The following MCTP2 variants were observed in gnomAD, a reference collection of about 807,000 sequenced individuals.
MCTP2 encodes multiple C2 and transmembrane domain containing 2.
In MCTP2, 132 loss-of-function variants were observed where a neutral mutation model predicts 111.6. The ratio of observed to expected loss-of-function variants is 1.18; its 90% CI spans 1.03 to 1.37. MCTP2 has a LOEUF of 1.37. Ranked by LOEUF, MCTP2 falls within the 40% of genes most tolerant of loss-of-function variation. The probability of loss-of-function intolerance (pLI) is 0.00; values close to 1 mark genes in which losing one functional copy is unlikely to be tolerated. For synonymous variants in MCTP2, 395 were observed against 387.7 expected (o/e 1.02, Z -0.22); for missense variants, 1,183 against 1,067.9 (o/e 1.11, Z -1.50).
intron 16 of MCTP2, 66 bp from the exon 17 acceptor site, chr15:94,401,834 C>A: frequency 3.1e-6 from 4 of 1,275,130 alleles, no homozygotes; most frequent in South Asian, 1.5e-5. Context: ...GATCAGGGTA[C>A]CTGATCTAGA....
intron 1 of MCTP2, among the ~76,000 whole-genome samples, chr15:94,243,968 C>T (rs1243642953): frequency 6.9e-5 from 10 of 145,282 alleles, no homozygotes; most frequent in African/African-American, 2.3e-4. Context: ...TTTACACACA[C>T]ATATGTATAC....
intron 6 of MCTP2, 35 bp downstream of exon 6, chr15:94,340,310 A>G: frequency 6.8e-7 from 1 of 1,463,848 alleles, no homozygotes; most frequent in Non-Finnish European, 9.6e-7. Flanking sequence ...GTTATTGATG[A>G]GTTTTAGAGG....
At chr15:94,381,230 A>G (rs1308370182) in intron 12 of MCTP2, among the ~76,000 whole-genome samples, 1 of 152,246 alleles carries the variant, frequency 6.6e-6, no homozygotes, top group Non-Finnish European at 1.5e-5. Flanking sequence ...CAAAGTCCCC[A>G]TATATCTGAA....
chr15:94,478,862 A>T, intron 22 of MCTP2, 104 bp from the exon 23 acceptor site: 1 of 880,720 alleles, frequency 1.1e-6, no homozygotes, highest in Admixed American at 1.9e-5. Flanking sequence ...TTACCTTTGA[A>T]CCTTCCTTCC....
At chr15:94,271,977 C>T (rs1252343170) in intron 1 of MCTP2, among the ~76,000 whole-genome samples, 2 of 152,144 alleles carry the variant, frequency 1.3e-5, no homozygotes, top group South Asian at 2.1e-4. Flanking sequence ...ATCCTTATTC[C>T]GGTGATGTTC....
At chr15:94,335,012 T>G (rs72647772) in intron 4 of MCTP2, among the ~76,000 whole-genome samples, 6,950 of 152,296 alleles carry the variant, frequency 0.046, 224 homozygotes, top group Middle Eastern at 0.19. Context: ...GAAGTACTTT[T>G]TAGGGGACTT....
At chr15:94,356,004 A>T in intron 8 of MCTP2, 133 bp from the exon 9 acceptor site, 1 of 1,357,752 alleles carries the variant, frequency 7.4e-7, no homozygotes, top group Non-Finnish European at 9.5e-7. Context: ...AACCAATGAA[A>T]AAAACAGTTT....
intron 1 of MCTP2, among the ~76,000 whole-genome samples, chr15:94,281,711 T>C (rs931231488): frequency 3.9e-5 from 6 of 152,188 alleles, no homozygotes; most frequent in African/African-American, 1.4e-4. Context: ...TTCATTTCCA[T>C]GTTTAGCATT....
intron 1 of MCTP2, among the ~76,000 whole-genome samples, chr15:94,264,771 A>G (rs1164376521): frequency 1.3e-5 from 2 of 152,184 alleles, no homozygotes; most frequent in South Asian, 2.1e-4. Flanking sequence ...TAAGAATTTG[A>G]TTATGCACAC....
At position 94,305,012 on chromosome 15, in the gene MCTP2, C is replaced by T. The variant is rs565684010; in HGVS notation, c.465+6282C>T. The stretch of plus-strand genomic sequence containing the variant: ...CATCCATATTGTGTCCTTTAGGTGA[C>T]TTTGTATGTCTGGGTGCTGACGGAT... On this transcript the variant is annotated intron_variant, in intron 2 of 22. Transcript: ENST00000357742. Among the ~76,000 whole-genome samples, 6 of 152,224 alleles carry T rather than the reference C, an allele frequency of 3.9e-5. No homozygotes were observed. The South Asian group carries it at 1.2e-3, about 32-fold the overall frequency.
intron 17 of MCTP2, among the ~76,000 whole-genome samples, chr15:94,422,200 C>G (rs768504411): frequency 1.3e-5 from 2 of 152,072 alleles, no homozygotes; most frequent in African/African-American, 4.8e-5. Context: ...AGCTGTGTAC[C>G]TGTCCACAGC....
At chr15:94,260,781 G>A (rs1230180981) in intron 1 of MCTP2, among the ~76,000 whole-genome samples, 1 of 152,134 alleles carries the variant, frequency 6.6e-6, no homozygotes, top group Non-Finnish European at 1.5e-5. Flanking sequence ...CCTCTTCTCA[G>A]CCAACGGCAT....
At chr15:94,270,289 C>T (rs1273647920) in intron 1 of MCTP2, among the ~76,000 whole-genome samples, 1 of 152,138 alleles carries the variant, frequency 6.6e-6, no homozygotes, top group African/African-American at 2.4e-5. Flanking sequence ...TGAGCTTGAA[C>T]AGTTTGCATT....
intron 1 of MCTP2, among the ~76,000 whole-genome samples, chr15:94,249,249 C>A (rs542634705): frequency 1.3e-5 from 2 of 152,268 alleles, no homozygotes; most frequent in Non-Finnish European, 2.9e-5. Flanking sequence ...TGTGGACTTT[C>A]CTGTATTGGC....
intron 2 of MCTP2, among the ~76,000 whole-genome samples, chr15:94,299,680 G>T (rs1435433713): frequency 6.6e-6 from 1 of 152,184 alleles, no homozygotes; most frequent in Non-Finnish European, 1.5e-5. Flanking sequence ...ACTGAAGTAG[G>T]TTTCCATGTT....
Position 94,385,409 on chromosome 15 carries a change from T to A in MCTP2, c.1686-14T>A. ...GTGTGTTTTTGTGTATAATACATGG[T>A]ATTTTTGTTACAGTCCCATTAAAGA... is the stretch of plus-strand genomic sequence containing the variant. On this transcript the variant is annotated splice_polypyrimidine_tract_variant and intron_variant, in intron 13 of 22. Coordinates refer to ENST00000357742, the MANE Select transcript of MCTP2 (RefSeq NM_001385001.1). 6.4e-7 allele frequency: 1 copy of A among 1,552,300 alleles called. No individual in the cohort carries two copies. Among genetic ancestry groups the A allele is most frequent in the East Asian group, 2.3e-5 (1 of 44,432 alleles).
chr15:94,293,503 A>G (rs2075121739), intron 1 of MCTP2, among the ~76,000 whole-genome samples: 1 of 152,240 alleles, frequency 6.6e-6, no homozygotes, highest in Non-Finnish European at 1.5e-5. Flanking sequence ...AGATGTTGAT[A>G]ATACTGGGTT....
chr15:94,357,277 A>T (rs11634430), intron 9 of MCTP2, among the ~76,000 whole-genome samples: 21,299 of 152,194 alleles, frequency 0.14, 1,774 homozygotes, highest in Non-Finnish European at 0.15. Flanking sequence ...GTGAAAATTG[A>T]GGGTGTATTA....
At chr15:94,242,858 A>T (rs2071080729) in intron 1 of MCTP2, among the ~76,000 whole-genome samples, 1 of 150,404 alleles carries the variant, frequency 6.6e-6, no homozygotes, top group African/African-American at 2.4e-5. Flanking sequence ...AAGCCTGGCC[A>T]CTTCTGGGGT....
Sources: gnomAD v4.1 joint callset for allele counts (sites outside exome capture counted in the v4.1 genomes callset) on GRCh38, gnomAD v4.1.1 for gene constraint, MANE v1.5 for transcripts, NCBI Gene and HGNC (gene_info 2026-07-23, HGNC 2026-07-21) for gene names.